The following TFCP2 variants were observed in gnomAD, a reference collection of about 807,000 sequenced individuals.
TFCP2 encodes the protein transcription factor CP2.
Under a neutral mutation model 73.4 loss-of-function variants are expected in TFCP2, and 33 were observed. That is an observed-to-expected ratio of 0.45 (90% CI 0.34 to 0.60). The LOEUF (loss-of-function observed/expected upper bound fraction) is 0.60, where lower values mean the gene tolerates loss of function less well. Among genes scored for constraint, TFCP2 ranks in the 20% least tolerant of loss-of-function variants. The pLI is 0.01. For synonymous variants in TFCP2, 193 were observed against 211.6 expected (o/e 0.91, Z 0.76); for missense variants, 352 against 604.0 (o/e 0.58, Z 4.37).
chr12:51,103,654 A>G lies in TFCP2; in HGVS notation c.1060+16T>C. ...AATTTCATGCTAGGGAAAACAAAAGAAAAAGAAAATTTAACCTGAGAAGTT... is the reference window on the plus strand; with the variant it reads ...AATTTCATGCTAGGGAAAACAAAAGGAAAAGAAAATTTAACCTGAGAAGTT... On this transcript the variant is annotated intron_variant, in intron 10 of 14. Transcript: ENST00000257915. The G allele has an allele frequency of 6.2e-7, 1 of 1,607,096 alleles. No individual in the cohort carries two copies. The highest frequency in any genetic ancestry group is 8.5e-7 in the Non-Finnish European group (1 of 1,176,788).
intron 1 of TFCP2, among the ~76,000 whole-genome samples, chr12:51,124,243 G>A (rs1263116633): frequency 6.6e-6 from 1 of 151,990 alleles, no homozygotes; most frequent in Admixed American, 6.6e-5. Flanking sequence ...CTACAGGTAT[G>A]CACCACCATG....
At chr12:51,123,463 C>G (rs77951306) in intron 1 of TFCP2, among the ~76,000 whole-genome samples, 1 of 152,342 alleles carries the variant, frequency 6.6e-6, no homozygotes, top group East Asian at 1.9e-4. Context: ...AAAGTCTGCT[C>G]TTCCTCAGAG....
intron 1 of TFCP2, among the ~76,000 whole-genome samples, chr12:51,168,748 T>G (rs113592699): frequency 0.084 from 12,826 of 152,152 alleles, 572 homozygotes; most frequent in Middle Eastern, 0.11. Context: ...CCTCCCAAAG[T>G]GCTGGGATTA....
Position 51,164,239 on chromosome 12 carries a change from C to T in TFCP2, c.122+8062G>A, listed in dbSNP as rs187050451. Reference sequence around the variant, plus strand: ...AACAAACAACAACAACCACAAAAACCAAGAAGAATAAAAATAGTAGAATCA... The same window carrying T: ...AACAAACAACAACAACCACAAAAACTAAGAAGAATAAAAATAGTAGAATCA... On this transcript the variant is annotated intron_variant, in intron 1 of 14. Transcript: ENST00000257915. 7.1e-3 allele frequency among the ~76,000 whole-genome samples: 1,077 copies of T among 151,886 alleles called. 11 individuals are homozygous for T. The highest frequency in any genetic ancestry group is 0.025 in the African/African-American group (1,040 of 41,430).
Position 51,128,498 on chromosome 12 carries a change from A to AAAAAC in TFCP2, c.123-9727_123-9726insGTTTT, listed in dbSNP as rs1555253519. Among the ~76,000 whole-genome samples the AAAAAC allele has an allele frequency of 4.7e-5, 7 of 149,028 alleles. 1 individual carries two copies. The highest frequency in any genetic ancestry group is 6.0e-5 in the Non-Finnish European group (4 of 66,968). ...AATAATAAAAAAAAAAAAAACAAAAAAAACAAACTAGTATTGGGAACATCT... is the reference window on the plus strand; with the variant it reads ...AATAATAAAAAAAAAAAAAACAAAAAAAAACAAACAAACTAGTATTGGGAACATCT... On this transcript the variant is annotated intron_variant, in intron 1 of 14. Transcript: ENST00000257915.
intron 1 of TFCP2, among the ~76,000 whole-genome samples, chr12:51,148,710 A>G (rs985384424): frequency 4.7e-5 from 7 of 149,394 alleles, no homozygotes; most frequent in Admixed American, 4.0e-4. Flanking sequence ...AAAAAAAAAA[A>G]AAAAAGAAAA....
intron 11 of TFCP2, 23 bp from the exon 12 acceptor site, chr12:51,099,802 T>C: frequency 6.2e-7 from 1 of 1,612,256 alleles, no homozygotes; most frequent in Non-Finnish European, 8.5e-7. Context: ...AAAAGGCTAA[T>C]TAGTCTTACA....
intron 1 of TFCP2, among the ~76,000 whole-genome samples, chr12:51,136,878 G>A (rs1345358460): frequency 1.3e-5 from 2 of 152,184 alleles, no homozygotes; most frequent in East Asian, 1.9e-4. Flanking sequence ...CCCAGAAGAG[G>A]AGGTTGCAGT....
At chr12:51,171,743 G>A (rs1246097531) in intron 1 of TFCP2, among the ~76,000 whole-genome samples, 1 of 152,186 alleles carries the variant, frequency 6.6e-6, no homozygotes, top group African/African-American at 2.4e-5. Flanking sequence ...AGCATCTTAA[G>A]TTTTCTTCGT....
intron 9 of TFCP2, 51 bp from the exon 10 acceptor site, chr12:51,103,814 C>T (rs1251074946): frequency 4.1e-6 from 6 of 1,459,566 alleles, no homozygotes; most frequent in Admixed American, 1.8e-5. Context: ...TGTCTGTTAC[C>T]CCATTAGGTA....
chr12:51,154,833 C>A (rs770844334), intron 1 of TFCP2, among the ~76,000 whole-genome samples: 2 of 152,164 alleles, frequency 1.3e-5, no homozygotes, highest in Non-Finnish European at 2.9e-5. Context: ...GGGGGAACTA[C>A]TAAACCCCCA....
Position 51,096,804 on chromosome 12 carries a change from A to G in TFCP2, c.1420-764T>C, listed in dbSNP as rs1048606595. On this transcript the variant is annotated intron_variant, in intron 13 of 14. Coordinates refer to ENST00000257915, the MANE Select transcript of TFCP2 (RefSeq NM_005653.5). The stretch of plus-strand genomic sequence containing the variant: ...CCCTCAGCATTTATATCTAGAGGAA[A>G]AAAACAGAATGGAATTGATGCTGAA... Among the ~76,000 whole-genome samples the G allele has an allele frequency of 2.6e-5, 4 of 152,214 alleles. No homozygotes were observed. The East Asian group carries it at 7.7e-4, about 29-fold the overall frequency.
intron 1 of TFCP2, among the ~76,000 whole-genome samples, chr12:51,164,183 T>G (rs1259019443): frequency 6.6e-6 from 1 of 152,062 alleles, no homozygotes; most frequent in African/African-American, 2.4e-5. Context: ...CCAGCCTGGG[T>G]AACAGAGCAC....
At chr12:51,124,959 T>C (rs1660691967) in intron 1 of TFCP2, 1 of 750,900 alleles carries the variant, frequency 1.3e-6, no homozygotes, top group Non-Finnish European at 2.4e-6. Context: ...CGTAAGGTCG[T>C]TGCTCACCTG....
At chr12:51,150,110 C>T (rs1285369056) in intron 1 of TFCP2, among the ~76,000 whole-genome samples, 1 of 152,040 alleles carries the variant, frequency 6.6e-6, no homozygotes, top group Non-Finnish European at 1.5e-5. Context: ...TACAGCAGTG[C>T]CATCTTTTAA....
At chr12:51,106,214 T>A (rs143000968) in intron 8 of TFCP2, among the ~76,000 whole-genome samples, 1 of 152,146 alleles carries the variant, frequency 6.6e-6, no homozygotes, top group East Asian at 1.9e-4. Context: ...AGATGTGCAG[T>A]AATAGGGAGA....
intron 10 of TFCP2, 104 bp from the exon 11 acceptor site, chr12:51,102,129 C>T (rs1940123996): frequency 3.8e-6 from 3 of 797,656 alleles, no homozygotes; most frequent in South Asian, 3.2e-5. Context: ...CAGAATGTTA[C>T]AATCCATAAT....
chr12:51,172,595 C>T lies in TFCP2; in HGVS notation c.-173G>A, dbSNP rs371156718. The T allele has an allele frequency of 3.8e-6, 3 of 796,762 alleles. No individual in the cohort carries two copies. Among genetic ancestry groups the T allele is most frequent in the East Asian group, 2.8e-5 (1 of 35,186 alleles). 49.4% of individuals were successfully genotyped at this position (796,762 alleles called of 1,614,324 possible). A position where few individuals can be genotyped will look rare whatever the true frequency, so the allele number is the denominator to read the frequency against. ...CACTGCTCTGTGCACAACTAATCTC[C>T]CGTACCCTTGGCTGCTCGTTCTTGG... is the stretch of plus-strand genomic sequence containing the variant. On this transcript the variant is annotated 5_prime_UTR_variant, in exon 1 of 15. Transcript: ENST00000257915.
intron 1 of TFCP2, among the ~76,000 whole-genome samples, chr12:51,156,004 T>C (rs1941528309): frequency 6.7e-6 from 1 of 149,360 alleles, no homozygotes; most frequent in Admixed American, 7.0e-5. Context: ...ATTGCACCAC[T>C]GCACTCCAGC....
Sources: allele counts gnomAD v4.1 joint callset (sites outside exome capture counted in the v4.1 genomes callset), GRCh38; gene constraint gnomAD v4.1.1; transcripts MANE v1.5; gene names NCBI Gene and HGNC (gene_info 2026-07-23, HGNC 2026-07-21).